MALRD1: variants seen among roughly 807,000 people sequenced by gnomAD.
MALRD1 encodes MAM and LDL-receptor class A domain-containing protein 1.
Under a neutral mutation model 242.1 loss-of-function variants are expected in MALRD1, and 247 were observed. The observed-to-expected ratio is 1.02, with a 90% CI of 0.92 to 1.13. The LOEUF is 1.13. Among genes scored for constraint, MALRD1 ranks in the 50% most tolerant of loss-of-function variants. The pLI is 0.00. For synonymous variants in MALRD1, 995 were observed against 866.6 expected (o/e 1.15, Z -2.60); for missense variants, 2,989 against 2,533.1 (o/e 1.18, Z -3.86).
intron 18 of MALRD1, among the ~76,000 whole-genome samples, chr10:19,254,438 A>G (rs571253740): frequency 1.3e-5 from 2 of 152,080 alleles, no homozygotes; most frequent in Non-Finnish European, 2.9e-5. Context: ...TCTTGTTTAG[A>G]CACATCTTCA....
intron 29 of MALRD1, among the ~76,000 whole-genome samples, chr10:19,485,231 G>A (rs1837185219): frequency 6.6e-6 from 1 of 152,152 alleles, no homozygotes; most frequent in Non-Finnish European, 1.5e-5. Flanking sequence ...TGAGTGTAAT[G>A]TATGTACTCT....
At chr10:19,669,950 CAAAG>C (rs1296190694) in intron 36 of MALRD1, among the ~76,000 whole-genome samples, 1 of 152,000 alleles carries the variant, frequency 6.6e-6, no homozygotes, top group Non-Finnish European at 1.5e-5. Context: ...CTAGAAGAAA[CAAAG>C]AAATCCAAAT....
intron 18 of MALRD1, among the ~76,000 whole-genome samples, chr10:19,212,178 G>C (rs899967956): frequency 6.6e-6 from 1 of 152,022 alleles, no homozygotes; most frequent in African/African-American, 2.4e-5. Context: ...GCACACAACC[G>C]AGGTGATGGA....
chr10:19,326,379 T>A (rs577767725), intron 22 of MALRD1, among the ~76,000 whole-genome samples: 25 of 152,238 alleles, frequency 1.6e-4, no homozygotes, highest in African/African-American at 2.9e-4. Context: ...TATGGAATTA[T>A]CAAATGAATA....
intron 21 of MALRD1, among the ~76,000 whole-genome samples, chr10:19,309,201 A>G (rs1842333193): frequency 2.0e-5 from 3 of 151,342 alleles, no homozygotes; most frequent in Non-Finnish European, 3.0e-5. Flanking sequence ...ATGGAGCATA[A>G]TTTTTTTTAG....
At chr10:19,284,600 C>T (rs964111534) in intron 21 of MALRD1, among the ~76,000 whole-genome samples, 26 of 151,126 alleles carry the variant, frequency 1.7e-4, no homozygotes, top group Non-Finnish European at 3.5e-4. Flanking sequence ...TTGATGGCTG[C>T]GTAGTATTCC....
At chr10:19,630,300 C>T (rs998037253) in intron 36 of MALRD1, among the ~76,000 whole-genome samples, 3 of 152,050 alleles carry the variant, frequency 2.0e-5, no homozygotes, top group Non-Finnish European at 2.9e-5. Context: ...TTCAAAAATA[C>T]ATCTCTTTCA....
intron 28 of MALRD1, among the ~76,000 whole-genome samples, chr10:19,391,066 A>G (rs901787467): frequency 2.6e-5 from 4 of 152,196 alleles, no homozygotes; most frequent in African/African-American, 4.8e-5. Flanking sequence ...TTACATTTCA[A>G]TTATGTTACA....
At chr10:19,445,243 G>A (rs1175498760) in intron 28 of MALRD1, among the ~76,000 whole-genome samples, 1 of 152,096 alleles carries the variant, frequency 6.6e-6, no homozygotes, top group Non-Finnish European at 1.5e-5. Flanking sequence ...TCTTTGCAAT[G>A]CGTTCGAACA....
At chr10:19,372,002 C>T (rs1845401832) in intron 26 of MALRD1, among the ~76,000 whole-genome samples, 1 of 151,946 alleles carries the variant, frequency 6.6e-6, no homozygotes, top group South Asian at 2.1e-4. Flanking sequence ...TAAACTGAAG[C>T]AATATATTCC....
intron 5 of MALRD1, among the ~76,000 whole-genome samples, 164 bp from the exon 6 acceptor site, chr10:19,123,328 A>T (rs199549972): frequency 5.6e-5 from 7 of 125,986 alleles, no homozygotes; most frequent in South Asian, 2.7e-4. Flanking sequence ...TGTGTGTGAG[A>T]GAGAGAGAGA....
chr10:19,318,020 T>C (rs1048617749), intron 21 of MALRD1, among the ~76,000 whole-genome samples: 15 of 152,012 alleles, frequency 9.9e-5, no homozygotes, highest in Admixed American at 2.6e-4. Flanking sequence ...TACTTCCCGC[T>C]CTGTATGAGA....
chr10:19,530,365 A>AAATTTTATATAAATATAT (rs1834310108), intron 31 of MALRD1, among the ~76,000 whole-genome samples: 2 of 105,090 alleles, frequency 1.9e-5, no homozygotes, highest in Admixed American at 1.0e-4. Context: ...ATATTTATAT[A>AAATTTTATATAAATATAT]AATATTTATA....
At chr10:19,076,315 GTACT>G (rs771293902) in intron 2 of MALRD1, among the ~76,000 whole-genome samples, 22 of 151,498 alleles carry the variant, frequency 1.5e-4, no homozygotes, top group Admixed American at 4.0e-4. Flanking sequence ...ATCTATCTAT[GTACT>G]TACTTATTTA....
chr10:19,578,146 AT>A (rs35924630), intron 33 of MALRD1, among the ~76,000 whole-genome samples: 1 of 151,694 alleles, frequency 6.6e-6, no homozygotes, highest in Non-Finnish European at 1.5e-5. Flanking sequence ...TTAAGAAAAG[AT>A]TTTTTTTCAA....
rs1845864013 is a variant in MALRD1 at position 19,382,151 on chromosome 10, TAA to T, written c.4442-5376_4442-5375del. Among the ~76,000 whole-genome samples, 3 of 152,198 alleles carry T rather than the reference TAA, an allele frequency of 2.0e-5. No individual in the cohort carries two copies. In the South Asian group the frequency reaches 6.2e-4, roughly 32 times the overall value. The stretch of plus-strand genomic sequence containing the variant: ...ACAATTAAGGATTGTTTTAATAATA[TAA>T]GAGTCTCAGACTTCATTGTGCTAAG... On this transcript the variant is annotated intron_variant, in intron 26 of 39. Coordinates refer to ENST00000454679, the MANE Select transcript of MALRD1 (RefSeq NM_001142308.3).
intron 4 of MALRD1, among the ~76,000 whole-genome samples, chr10:19,096,745 G>T (rs576627454): frequency 6.6e-6 from 1 of 152,276 alleles, no homozygotes; most frequent in African/African-American, 2.4e-5. Flanking sequence ...TTATTTCATT[G>T]TCTGCCATTT....
chr10:19,159,923 A>G (rs1438923446), intron 12 of MALRD1, among the ~76,000 whole-genome samples: 1 of 152,086 alleles, frequency 6.6e-6, no homozygotes, highest in African/African-American at 2.4e-5. Context: ...ATAATTTAAA[A>G]TCATAAGAAT....
chr10:19,644,452 A>T (rs1401373876), intron 36 of MALRD1, among the ~76,000 whole-genome samples: 1 of 462 alleles, frequency 2.2e-3, no homozygotes, highest in African/African-American at 6.4e-3. Context: ...TTATGCCCCC[A>T]AATGCTTTGG....
Sources: allele counts gnomAD v4.1 joint callset (sites outside exome capture counted in the v4.1 genomes callset), GRCh38; gene constraint gnomAD v4.1.1; transcripts MANE v1.5; gene names NCBI Gene and HGNC (gene_info 2026-07-23, HGNC 2026-07-21).